The following PLEKHH2 variants were observed in gnomAD, a reference collection of about 807,000 sequenced individuals.
The protein encoded by PLEKHH2 is pleckstrin homology domain-containing family H member 2.
PLEKHH2 carries 129 observed loss-of-function variants against 187.9 expected under a neutral mutation model. The observed-to-expected ratio is 0.69, with a 90% confidence interval of 0.59 to 0.79. The LOEUF (loss-of-function observed/expected upper bound fraction) is 0.79, where lower values mean the gene tolerates loss of function less well. PLEKHH2 is among the 30% of genes least tolerant of loss of function. PLEKHH2 has a pLI of 0.00. For synonymous variants in PLEKHH2, 686 were observed against 605.6 expected (o/e 1.13, Z -1.95); for missense variants, 2,076 against 1,751.2 (o/e 1.19, Z -3.31).
chr2:43,651,732 C>T (rs1459815221), intron 2 of PLEKHH2, among the ~76,000 whole-genome samples: 1 of 152,178 alleles, frequency 6.6e-6, no homozygotes, highest in Non-Finnish European at 1.5e-5. Context: ...GGCATATTCA[C>T]TCTGAACATC....
intron 27 of PLEKHH2, 132 bp from the exon 28 acceptor site, chr2:43,762,172 G>A (rs1672454291): frequency 1.5e-6 from 1 of 667,018 alleles, no homozygotes; most frequent in African/African-American, 1.8e-5. Context: ...TCTTTCCTAG[G>A]CGAGATTTTT....
chr2:43,666,559 C>A (rs143433930), intron 2 of PLEKHH2, among the ~76,000 whole-genome samples: 233 of 152,348 alleles, frequency 1.5e-3, no homozygotes, highest in Non-Finnish European at 2.9e-3. Flanking sequence ...TACCATTTTG[C>A]ATTCCTACCA....
Position 43,700,501 on chromosome 2 carries a change from G to T in PLEKHH2, c.1543G>T (p.Asp515Tyr). 6.2e-7 allele frequency: 1 copy of T among 1,614,008 alleles called. No individual in the cohort carries two copies. Among genetic ancestry groups the T allele is most frequent in the South Asian group, 1.1e-5 (1 of 91,072 alleles). ...TTGTGATGATGGATTATTTTCCTAT[G>T]ACTCCTTGGACTCTCCAAATTCAGA... is the stretch of plus-strand genomic sequence containing the variant. The part of the protein sequence containing the change: ...TSCDDGLFSY[D>Y]SLDSPNSDDQ... The change falls in exon 8 of 30, where the codon GAC becomes TAC. Residue 515 changes from aspartate to tyrosine, a missense_variant. Transcript: ENST00000282406.
chr2:43,705,934 G>C (rs1180502645), intron 9 of PLEKHH2, among the ~76,000 whole-genome samples: 1 of 152,170 alleles, frequency 6.6e-6, no homozygotes, highest in East Asian at 1.9e-4. Context: ...TACCATGCTG[G>C]TAATAGGGTT....
chr2:43,707,903 C>T (rs959474209), intron 11 of PLEKHH2, among the ~76,000 whole-genome samples: 1 of 152,026 alleles, frequency 6.6e-6, no homozygotes, highest in African/African-American at 2.4e-5. Flanking sequence ...AGAAAATATA[C>T]CTTAAAATTT....
At chr2:43,710,855 A>G (rs1219508517) in intron 14 of PLEKHH2, 2 of 1,176,640 alleles carry the variant, frequency 1.7e-6, no homozygotes, top group African/African-American at 3.2e-5. Flanking sequence ...CAGCTGTCCA[A>G]CTGTGAAGCT....
chr2:43,707,291 G>C lies in PLEKHH2; in HGVS notation c.1822-110G>C. ...TGATAACCTTAGGGATGGATACAGG[G>C]AGGTTGCTCTGCTTTTCTTTAGGAG... On this transcript the variant is annotated intron_variant, in intron 10 of 29. Coordinates refer to ENST00000282406, the MANE Select transcript of PLEKHH2 (RefSeq NM_172069.4). 2.5e-6 allele frequency: 3 copies of C among 1,188,524 alleles called. No homozygotes were observed. In the South Asian group the frequency reaches 4.2e-5, roughly 17 times the overall value. 73.6% of individuals were successfully genotyped at this position (1,188,524 alleles called of 1,614,324 possible). A position where few individuals can be genotyped will look rare whatever the true frequency, so the allele number is the denominator to read the frequency against.
chr2:43,695,737 G>C (rs1174845909), intron 6 of PLEKHH2, among the ~76,000 whole-genome samples: 1 of 152,188 alleles, frequency 6.6e-6, no homozygotes, highest in Non-Finnish European at 1.5e-5. Flanking sequence ...GTTAGAGGTA[G>C]TTGTATCAGA....
intron 1 of PLEKHH2, among the ~76,000 whole-genome samples, chr2:43,640,230 C>T (rs532298384): frequency 1.8e-4 from 27 of 148,780 alleles, no homozygotes; most frequent in Non-Finnish European, 2.7e-4. Flanking sequence ...TTTTTTGAGA[C>T]GGTGTCTCAC....
chr2:43,750,303 C>A (rs1671956414), intron 24 of PLEKHH2, among the ~76,000 whole-genome samples: 1 of 152,194 alleles, frequency 6.6e-6, no homozygotes, highest in African/African-American at 2.4e-5. Context: ...GAAACCCCGT[C>A]TCTACTAAAA....
At chr2:43,651,624 T>C (rs1320929918) in intron 2 of PLEKHH2, among the ~76,000 whole-genome samples, 1 of 152,182 alleles carries the variant, frequency 6.6e-6, no homozygotes, top group Admixed American at 6.5e-5. Flanking sequence ...AACTATACAC[T>C]GTGTGCGTCT....
rs571460909 is a variant in PLEKHH2, at chr2:43,756,217, G to T, written c.3796-902G>T. ...AACATGGAGAAAATCTAGGAACAAA[G>T]TAATGAGAATATGGTTCTTGCTCCC... On this transcript the variant is annotated intron_variant, in intron 25 of 29. Coordinates refer to ENST00000282406, the MANE Select transcript of PLEKHH2 (RefSeq NM_172069.4). Among the ~76,000 whole-genome samples, 410 of 152,042 alleles carry T rather than the reference G, an allele frequency of 2.7e-3. 1 individual carries two copies. Among genetic ancestry groups the T allele is most frequent in the African/African-American group, 9.5e-3 (392 of 41,308 alleles).
chr2:43,703,861 A>G (rs576936895), intron 8 of PLEKHH2, 120 bp from the exon 9 acceptor site: 4 of 655,426 alleles, frequency 6.1e-6, no homozygotes, highest in East Asian at 5.3e-5. Context: ...ATAATGCTGT[A>G]CTCTAGTGAA....
chr2:43,670,643 G>T (rs1410723872), intron 2 of PLEKHH2, among the ~76,000 whole-genome samples: 1 of 150,202 alleles, frequency 6.7e-6, no homozygotes, highest in Non-Finnish European at 1.5e-5. Context: ...TTTCTAAGCT[G>T]CTTAGGCTAT....
chr2:43,657,327 C>T (rs761979784), intron 2 of PLEKHH2, among the ~76,000 whole-genome samples: 13 of 152,122 alleles, frequency 8.5e-5, no homozygotes, highest in Admixed American at 7.2e-4. Context: ...TACAGGTGCA[C>T]GCCGCCACAC....
At chr2:43,669,244 C>G (rs893383309) in intron 2 of PLEKHH2, among the ~76,000 whole-genome samples, 1 of 152,116 alleles carries the variant, frequency 6.6e-6, no homozygotes, top group African/African-American at 2.4e-5. Flanking sequence ...ACAAAAAATA[C>G]TAGTAGCCAA....
Position 43,703,969 on chromosome 2 carries a change from C to G in PLEKHH2, c.1651-12C>G. ...TTTAAATACCCTGTTCAAACTCTCT[C>G]TTTTACCCTAGGAAAGCAGAATTTA... On this transcript the variant is annotated splice_polypyrimidine_tract_variant and intron_variant, in intron 8 of 29. Coordinates refer to ENST00000282406, the MANE Select transcript of PLEKHH2 (RefSeq NM_172069.4). 10 of 900,774 alleles carry G rather than the reference C, an allele frequency of 1.1e-5. No homozygotes were observed. Among genetic ancestry groups the G allele is most frequent in the South Asian group, 1.5e-5 (1 of 66,190 alleles). The allele number at this position is 900,774 out of a possible 1,614,324, so 55.8% of individuals were successfully genotyped here.
Position 43,699,860 on chromosome 2 carries a change from G to T in PLEKHH2, c.902G>T (p.Arg301Ile). Residue 301 changes from arginine to isoleucine, a missense_variant, in exon 8 of 30, where the codon AGA becomes ATA. By Grantham distance (97) the Arg-to-Ile change is moderately conservative (BLOSUM62 -3). Transcript: ENST00000282406. Reference sequence around the variant, plus strand: ...GGGAGCAAAGGAAGATCCAAGTCCAGATGCACATCCACCCTCTCCAGTCAC... The same window carrying T: ...GGGAGCAAAGGAAGATCCAAGTCCATATGCACATCCACCCTCTCCAGTCAC... ...EDGSKGRSKS[R>I]CTSTLSSHTS... 1 of 1,614,144 alleles carries T rather than the reference G, an allele frequency of 6.2e-7. No homozygotes were observed. The highest frequency in any genetic ancestry group is 1.6e-4 in the Middle Eastern group (1 of 6,062).
chr2:43,711,995 G>A (rs961821651), intron 14 of PLEKHH2: 2 of 1,251,132 alleles, frequency 1.6e-6, no homozygotes, highest in Admixed American at 3.9e-5. Flanking sequence ...CCCAAAATTA[G>A]GTAAACTGGA....
Sources: gnomAD v4.1 joint callset for allele counts (sites outside exome capture counted in the v4.1 genomes callset) on GRCh38, gnomAD v4.1.1 for gene constraint, MANE v1.5 for transcripts, NCBI Gene and HGNC (gene_info 2026-07-23, HGNC 2026-07-21) for gene names.